Variants in PPM1D observed in about 807,000 individuals in gnomAD.
The protein encoded by PPM1D is protein phosphatase, Mg2+/Mn2+ dependent 1D.
A neutral mutation model predicts 58.3 loss-of-function variants in PPM1D; 52 were observed. The observed-to-expected ratio is 0.89, with a 90% CI of 0.71 to 1.12. PPM1D has a LOEUF of 1.12. Ranked by LOEUF, PPM1D falls within the 50% of genes most tolerant of loss-of-function variation. The pLI, the probability that PPM1D is intolerant of heterozygous loss-of-function variation, is 0.00. For synonymous variants in PPM1D, 278 were observed against 285.1 expected (o/e 0.98, Z 0.25); for missense variants, 564 against 777.2 (o/e 0.73, Z 3.26).
At chr17:60,662,573 G>C (rs2031544374) in intron 5 of PPM1D, 1 of 158,938 alleles carries the variant, frequency 6.3e-6, no homozygotes, top group Admixed American at 6.2e-5. Flanking sequence ...CGATACTTTT[G>C]ATCTTCTCCA....
intron 1 of PPM1D, among the ~76,000 whole-genome samples, chr17:60,611,404 T>G (rs770648506): frequency 2.6e-5 from 4 of 151,980 alleles, no homozygotes; most frequent in Non-Finnish European, 5.9e-5. Context: ...TAGAAATTCT[T>G]TATGTATTTT....
chr17:60,663,800 A>C lies in PPM1D; in HGVS notation c.*248A>C, dbSNP rs767756078. The stretch of plus-strand genomic sequence containing the variant: ...GTATCCACACAAATTCAGTCTCTGA[A>C]TACACAGTATTCAGAGTCTCTGATA... On this transcript the variant is annotated 3_prime_UTR_variant, in exon 6 of 6. Coordinates refer to ENST00000305921, the MANE Select transcript of PPM1D (RefSeq NM_003620.4). The C allele has an allele frequency of 6.7e-6, 3 of 450,456 alleles. No individual in the cohort carries two copies. Among genetic ancestry groups the C allele is most frequent in the Non-Finnish European group, 1.2e-5 (3 of 248,628 alleles). 27.9% of individuals were successfully genotyped at this position (450,456 alleles called of 1,614,324 possible).
At chr17:60,632,433 A>G (rs1319024104) in intron 2 of PPM1D, among the ~76,000 whole-genome samples, 1 of 152,100 alleles carries the variant, frequency 6.6e-6, no homozygotes, top group African/African-American at 2.4e-5. Flanking sequence ...GCATGGTGGC[A>G]CATGCCTGTA....
chr17:60,640,039 C>T (rs2031103536), intron 3 of PPM1D, among the ~76,000 whole-genome samples: 2 of 152,260 alleles, frequency 1.3e-5, no homozygotes, highest in African/African-American at 4.8e-5. Flanking sequence ...TCATGTTTGG[C>T]TGGATGTGGT....
chr17:60,636,541 A>G (rs1312058619), intron 3 of PPM1D, among the ~76,000 whole-genome samples: 1 of 152,202 alleles, frequency 6.6e-6, no homozygotes. Context: ...GGCCTGTATA[A>G]TAATTCTAAA....
chr17:60,656,510 G>A lies in PPM1D; in HGVS notation c.1018-89G>A, dbSNP rs200086365. ...TTGGGAGCTTTGTTTGGGCCACAGC[G>A]AACACCAAATATTTAATTTGATATA... On this transcript the variant is annotated intron_variant, in intron 4 of 5. Coordinates refer to ENST00000305921, the MANE Select transcript of PPM1D (RefSeq NM_003620.4). 3.2e-5 allele frequency: 48 copies of A among 1,493,028 alleles called. No individual in the cohort carries two copies. The East Asian group carries it at 5.6e-4, about 17-fold the overall frequency. 92.5% of individuals were successfully genotyped at this position (1,493,028 alleles called of 1,614,324 possible).
At chr17:60,623,797 T>C (rs1255710944) in intron 2 of PPM1D, 48 bp downstream of exon 2, 1 of 1,549,762 alleles carries the variant, frequency 6.5e-7, no homozygotes, top group East Asian at 2.3e-5. Context: ...TATTTAGTCC[T>C]TTTATGCTTT....
intron 4 of PPM1D, among the ~76,000 whole-genome samples, chr17:60,653,489 C>G (rs2031381551): frequency 6.6e-6 from 1 of 152,118 alleles, no homozygotes; most frequent in African/African-American, 2.4e-5. Flanking sequence ...CAGCTTTGTT[C>G]TTTTGGCTTA....
At chr17:60,661,635 C>G (rs980101097) in intron 5 of PPM1D, among the ~76,000 whole-genome samples, 4 of 152,082 alleles carry the variant, frequency 2.6e-5, no homozygotes, top group African/African-American at 9.7e-5. Context: ...TTGGATAATT[C>G]TCATTTGTTT....
intron 4 of PPM1D, among the ~76,000 whole-genome samples, chr17:60,648,386 G>A (rs564828336): frequency 2.9e-5 from 4 of 135,782 alleles, no homozygotes; most frequent in South Asian, 4.7e-4. Context: ...AAAATTTATC[G>A]TTTTTTTTTT....
chr17:60,600,946 G>C (rs1215835763), intron 1 of PPM1D, 60 bp downstream of exon 1: 1 of 1,602,930 alleles, frequency 6.2e-7, no homozygotes, highest in Non-Finnish European at 8.5e-7. Flanking sequence ...GGCTTTTATG[G>C]CACCAGCCCC....
At chr17:60,652,852 A>G (rs2031371369) in intron 4 of PPM1D, among the ~76,000 whole-genome samples, 2 of 151,756 alleles carry the variant, frequency 1.3e-5, no homozygotes, top group Admixed American at 6.6e-5. Context: ...TTAAAATTGG[A>G]TTATTTGGGG....
At chr17:60,621,634 C>T (rs913463512) in intron 1 of PPM1D, among the ~76,000 whole-genome samples, 5 of 143,984 alleles carry the variant, frequency 3.5e-5, no homozygotes, top group South Asian at 2.2e-4. Flanking sequence ...ACTGCAGTGG[C>T]GCAATCTCGG....
At chr17:60,601,074 T>C (rs1224992160) in intron 1 of PPM1D, among the ~76,000 whole-genome samples, 188 bp downstream of exon 1, 1 of 152,154 alleles carries the variant, frequency 6.6e-6, no homozygotes, top group Non-Finnish European at 1.5e-5. Context: ...TTGGGGAAGA[T>C]AGGATTGCCG....
intron 3 of PPM1D, among the ~76,000 whole-genome samples, chr17:60,643,358 G>A (rs1466316110): frequency 6.6e-6 from 1 of 152,150 alleles, no homozygotes; most frequent in Non-Finnish European, 1.5e-5. Context: ...TCCATCCTGG[G>A]CAATAGAGTA....
intron 4 of PPM1D, among the ~76,000 whole-genome samples, chr17:60,654,913 T>G (rs963859269): frequency 3.3e-5 from 5 of 151,584 alleles, no homozygotes; most frequent in Non-Finnish European, 5.9e-5. Context: ...AAAAAATACA[T>G]GTAGGCTTAT....
intron 5 of PPM1D, among the ~76,000 whole-genome samples, chr17:60,659,871 A>C (rs2031498210): frequency 6.6e-6 from 1 of 152,250 alleles, no homozygotes; most frequent in South Asian, 2.1e-4. Flanking sequence ...GTTCAAGAAG[A>C]AAGTAGGGGA....
At chr17:60,640,544 A>G (rs2031113724) in intron 3 of PPM1D, among the ~76,000 whole-genome samples, 1 of 151,998 alleles carries the variant, frequency 6.6e-6, no homozygotes, top group African/African-American at 2.4e-5. Context: ...TGTTTTTGTA[A>G]TTTCAGCTTT....
intron 1 of PPM1D, among the ~76,000 whole-genome samples, chr17:60,603,001 C>T (rs1221403720): frequency 1.3e-5 from 2 of 152,096 alleles, no homozygotes; most frequent in Non-Finnish European, 2.9e-5. Flanking sequence ...TTAGTCTCTA[C>T]TCACCTTTTT....
Sources: gnomAD v4.1 joint callset for allele counts (sites outside exome capture counted in the v4.1 genomes callset) on GRCh38, gnomAD v4.1.1 for gene constraint, MANE v1.5 for transcripts, NCBI Gene and HGNC (gene_info 2026-07-23, HGNC 2026-07-21) for gene names.